Variants in ERBB4 observed in about 807,000 individuals in gnomAD.
ERBB4 encodes receptor tyrosine-protein kinase erbB-4.
Under a neutral mutation model 158.0 loss-of-function variants are expected in ERBB4, and 42 were observed. That is an observed-to-expected ratio of 0.27 (90% CI 0.21 to 0.34). The LOEUF (loss-of-function observed/expected upper bound fraction) is 0.34. Ranked by LOEUF, ERBB4 falls within the 10% of genes least tolerant of loss-of-function variation. The pLI, the probability that ERBB4 is intolerant of heterozygous loss-of-function variation, is 1.00. For synonymous variants in ERBB4, 583 were observed against 558.7 expected (o/e 1.04, Z -0.61); for missense variants, 1,333 against 1,624.1 (o/e 0.82, Z 3.08).
At chr2:212,359,940 A>T (rs149261212) in intron 1 of ERBB4, among the ~76,000 whole-genome samples, 18 of 151,864 alleles carry the variant, frequency 1.2e-4, no homozygotes, top group African/African-American at 4.3e-4. Context: ...CACTGAAGTC[A>T]AACGTGTAAC....
intron 5 of ERBB4, among the ~76,000 whole-genome samples, chr2:211,732,498 G>A (rs2074455419): frequency 6.6e-6 from 1 of 152,078 alleles, no homozygotes; most frequent in Non-Finnish European, 1.5e-5. Context: ...TAATTGGTTT[G>A]GTGATAGCTA....
At chr2:211,685,112 G>A (rs2072511014) in intron 12 of ERBB4, among the ~76,000 whole-genome samples, 2 of 152,144 alleles carry the variant, frequency 1.3e-5, no homozygotes, top group African/African-American at 4.8e-5. Flanking sequence ...ATATTTTACA[G>A]AGCAAATGTT....
chr2:212,349,844 C>G (rs979074210), intron 1 of ERBB4, among the ~76,000 whole-genome samples: 1 of 151,984 alleles, frequency 6.6e-6, no homozygotes, highest in Non-Finnish European at 1.5e-5. Flanking sequence ...CCCAAGAAGA[C>G]TGGGAAAGCA....
At chr2:211,857,189 G>C (rs941330635) in intron 3 of ERBB4, among the ~76,000 whole-genome samples, 7 of 150,316 alleles carry the variant, frequency 4.7e-5, no homozygotes, top group Admixed American at 4.6e-4. Context: ...GTGTGTCTTA[G>C]GTATTGTTTC....
chr2:211,630,374 A>G, intron 17 of ERBB4, 88 bp downstream of exon 17: 1 of 1,479,630 alleles, frequency 6.8e-7, no homozygotes, highest in Non-Finnish European at 9.4e-7. Context: ...ACAGAATTTT[A>G]CTTGGATTAA....
At chr2:212,129,010 G>A (rs953526117) in intron 1 of ERBB4, among the ~76,000 whole-genome samples, 2 of 151,912 alleles carry the variant, frequency 1.3e-5, no homozygotes, top group Non-Finnish European at 2.9e-5. Flanking sequence ...AATGACTGTT[G>A]AGAAAAGGTA....
At chr2:211,979,057 G>T (rs2081715435) in intron 2 of ERBB4, among the ~76,000 whole-genome samples, 1 of 152,100 alleles carries the variant, frequency 6.6e-6, no homozygotes, top group South Asian at 2.1e-4. Flanking sequence ...GGATTTTCAT[G>T]ACAGTAGCAA....
Position 211,866,315 on chromosome 2 carries a change from T to TA in ERBB4, c.422-78157dup, listed in dbSNP as rs757244088. On this transcript the variant is annotated intron_variant, in intron 3 of 27. Coordinates refer to ENST00000342788, the MANE Select transcript of ERBB4 (RefSeq NM_005235.3). ...TTGTCTCTGGGTTCCACTCTGAACT[T>TA]ATGTCCTATCACTCTTTCTTTGATT... Among the ~76,000 whole-genome samples, 86 of 152,302 alleles carry TA rather than the reference T, an allele frequency of 5.6e-4. 1 individual carries two copies. The highest frequency in any genetic ancestry group is 1.4e-3 in the Admixed American group (21 of 15,298).
At chr2:212,304,212 G>A (rs1214968311) in intron 1 of ERBB4, among the ~76,000 whole-genome samples, 2 of 151,476 alleles carry the variant, frequency 1.3e-5, no homozygotes, top group African/African-American at 2.4e-5. Flanking sequence ...CTGTACAACC[G>A]GTGGTGGTAG....
At chr2:212,281,476 T>C (rs1048712246) in intron 1 of ERBB4, among the ~76,000 whole-genome samples, 2 of 151,820 alleles carry the variant, frequency 1.3e-5, no homozygotes, top group Non-Finnish European at 2.9e-5. Flanking sequence ...GATTCCTCTG[T>C]GAGCTCGCAT....
chr2:211,399,429 C>CAGTT (rs964425418), intron 25 of ERBB4, among the ~76,000 whole-genome samples: 2 of 152,148 alleles, frequency 1.3e-5, no homozygotes, highest in Non-Finnish European at 2.9e-5. Flanking sequence ...TCCATCAAGC[C>CAGTT]AGTTGGATAA....
chr2:211,704,079 T>C (rs2106044590), intron 11 of ERBB4, 25 bp downstream of exon 11: 1 of 1,314,916 alleles, frequency 7.6e-7, no homozygotes, highest in South Asian at 1.2e-5. Context: ...CTGTGAGCCC[T>C]GCAGCTTTAA....
At chr2:212,510,590 A>C (rs1351298435) in intron 1 of ERBB4, among the ~76,000 whole-genome samples, 1 of 152,054 alleles carries the variant, frequency 6.6e-6, no homozygotes, top group Non-Finnish European at 1.5e-5. Context: ...GGTAGGATCA[A>C]AATGAATTAT....
At chr2:212,289,355 C>G (rs2086120549) in intron 1 of ERBB4, among the ~76,000 whole-genome samples, 1 of 152,036 alleles carries the variant, frequency 6.6e-6, no homozygotes, top group Admixed American at 6.6e-5. Context: ...GATATTTTGG[C>G]AGTTACTCTC....
At chr2:212,169,538 AAT>A (rs2081450161) in intron 1 of ERBB4, among the ~76,000 whole-genome samples, 1 of 152,164 alleles carries the variant, frequency 6.6e-6, no homozygotes, top group South Asian at 2.1e-4. Flanking sequence ...TTAAATGTAA[AAT>A]CTAAAACTAT....
chr2:211,777,686 C>A (rs2075918109), intron 4 of ERBB4: 1 of 152,148 alleles, frequency 6.6e-6, no homozygotes, highest in South Asian at 2.1e-4. Context: ...CCCTACTCAA[C>A]CTGTACTCTT....
chr2:211,449,367 A>G (rs933620626), intron 20 of ERBB4, among the ~76,000 whole-genome samples: 1 of 152,122 alleles, frequency 6.6e-6, no homozygotes, highest in Non-Finnish European at 1.5e-5. Context: ...TTCAGCTACT[A>G]TTTTTATCTA....
intron 1 of ERBB4, among the ~76,000 whole-genome samples, chr2:212,325,844 C>A (rs1157270113): frequency 6.6e-6 from 1 of 150,412 alleles, no homozygotes; most frequent in East Asian, 1.9e-4. Flanking sequence ...TGTATACTGA[C>A]AAACAAATAT....
At chr2:212,190,185 A>C (rs946521982) in intron 1 of ERBB4, among the ~76,000 whole-genome samples, 2 of 152,216 alleles carry the variant, frequency 1.3e-5, no homozygotes, top group Non-Finnish European at 2.9e-5. Flanking sequence ...CTGAGTCAGC[A>C]TTATCACTAG....
Sources: allele counts gnomAD v4.1 joint callset (sites outside exome capture counted in the v4.1 genomes callset), GRCh38; gene constraint gnomAD v4.1.1; transcripts MANE v1.5; gene names NCBI Gene and HGNC (gene_info 2026-07-23, HGNC 2026-07-21).